PCDH15: variants seen among roughly 807,000 people sequenced by gnomAD.
PCDH15 encodes the protein protocadherin-15.
A neutral mutation model predicts 178.5 loss-of-function variants in PCDH15; 129 were observed. That is an observed-to-expected ratio of 0.72 (90% CI 0.63 to 0.84). The LOEUF is 0.84. Ranked by LOEUF, PCDH15 falls within the 40% of genes least tolerant of loss-of-function variation. PCDH15 has a pLI of 0.00. For missense variants in PCDH15, 2,230 were observed against 2,099.9 expected, an observed-to-expected ratio of 1.06 and a Z score of -1.21; for synonymous variants, 800 against 732.0, an observed-to-expected ratio of 1.09 and a Z score of -1.50.
intron 1 of PCDH15, among the ~76,000 whole-genome samples, chr10:55,222,589 T>C (rs1180851268): frequency 1.3e-5 from 2 of 151,576 alleles, no homozygotes; most frequent in Non-Finnish European, 2.9e-5. Flanking sequence ...TACTAATGTA[T>C]AATTATCTTT....
intron 26 of PCDH15, among the ~76,000 whole-genome samples, chr10:53,880,389 A>T (rs1467924300): frequency 6.6e-6 from 1 of 152,202 alleles, no homozygotes; most frequent in Non-Finnish European, 1.5e-5. Context: ...ACTTACTGTA[A>T]AATGAACTTA....
chr10:55,159,369 C>CTA (rs1174815209), intron 2 of PCDH15, among the ~76,000 whole-genome samples: 421 of 20,876 alleles, frequency 0.02, 5 homozygotes, highest in African/African-American at 0.033. Context: ...ATCTATCTAT[C>CTA]TATATATATA....
At chr10:55,456,441 A>G (rs1839556350) in intron 2 of PCDH15, among the ~76,000 whole-genome samples, 1 of 152,024 alleles carries the variant, frequency 6.6e-6, no homozygotes. Context: ...TCCTTCATGC[A>G]TTCTGTGTTA....
At chr10:54,987,469 A>T (rs1404169716) in intron 2 of PCDH15, among the ~76,000 whole-genome samples, 1 of 152,154 alleles carries the variant, frequency 6.6e-6, no homozygotes, top group African/African-American at 2.4e-5. Flanking sequence ...GAACTAATTT[A>T]TACTCCCACC....
intron 3 of PCDH15, among the ~76,000 whole-genome samples, chr10:54,452,205 C>T (rs893710284): frequency 1.3e-5 from 2 of 151,882 alleles, no homozygotes; most frequent in Non-Finnish European, 2.9e-5. Context: ...CATTTTTGAC[C>T]TTGTTTACCT....
intron 1 of PCDH15, among the ~76,000 whole-genome samples, chr10:55,266,423 G>C (rs2132241540): frequency 6.6e-6 from 1 of 152,238 alleles, no homozygotes; most frequent in South Asian, 2.1e-4. Context: ...TTCAGAGGGG[G>C]GAGATGACAC....
chr10:54,145,228 G>C (rs2043790376), intron 14 of PCDH15, among the ~76,000 whole-genome samples: 1 of 151,970 alleles, frequency 6.6e-6, no homozygotes, highest in South Asian at 2.1e-4. Context: ...ATAGTAATTA[G>C]TAGTAATGAG....
intron 3 of PCDH15, among the ~76,000 whole-genome samples, chr10:54,436,026 GGAGAGGAGAGAGA>G (rs1217806070): frequency 1.0e-3 from 108 of 107,346 alleles, no homozygotes; most frequent in African/African-American, 4.8e-3. Context: ...GGAGAGGAGA[GGAGAGGAGAGAGA>G]GAGAGAGAGA....
Position 54,566,456 on chromosome 10 carries a change from T to A in PCDH15, c.92-38579A>T, listed in dbSNP as rs533643539. 9.2e-5 allele frequency among the ~76,000 whole-genome samples: 14 copies of A among 152,286 alleles called. No individual in the cohort carries two copies. The South Asian group carries it at 2.9e-3, about 32-fold the overall frequency. On this transcript the variant is annotated intron_variant, in intron 2 of 37. Transcript: ENST00000644397. ...TCATTATAGTATCATACAGACTTAT[T>A]TTCACTGACCAAAAAATCCTCTGTT... is the stretch of plus-strand genomic sequence containing the variant.
chr10:53,817,247 A>AAATC (rs1409612164), intron 34 of PCDH15, among the ~76,000 whole-genome samples: 4 of 152,186 alleles, frequency 2.6e-5, no homozygotes, highest in African/African-American at 9.6e-5. Context: ...GCTGTATGCT[A>AAATC]AATCAAACTA....
At chr10:55,551,610 T>G (rs1257943338) in intron 2 of PCDH15, among the ~76,000 whole-genome samples, 1 of 151,834 alleles carries the variant, frequency 6.6e-6, no homozygotes, top group African/African-American at 2.4e-5. Context: ...TAAAGTAGAT[T>G]ACAAAACAAA....
At chr10:54,259,269 A>G (rs1049390772) in intron 8 of PCDH15, among the ~76,000 whole-genome samples, 1 of 152,312 alleles carries the variant, frequency 6.6e-6, no homozygotes. Context: ...ACTGATTTCT[A>G]TTATTAGCCA....
chr10:54,914,118 A>T (rs752376862), intron 2 of PCDH15, among the ~76,000 whole-genome samples: 21 of 152,102 alleles, frequency 1.4e-4, no homozygotes, highest in Non-Finnish European at 1.6e-4. Flanking sequence ...GATTTTAGAG[A>T]GGCCAGGGAC....
chr10:54,120,784 A>AG (rs898012004), intron 15 of PCDH15, among the ~76,000 whole-genome samples: 6 of 152,192 alleles, frequency 3.9e-5, no homozygotes, highest in African/African-American at 1.4e-4. Context: ...TGTAGAGTCT[A>AG]GATTCACAAA....
At chr10:54,716,743 G>A (rs2095484526) in intron 1 of PCDH15, among the ~76,000 whole-genome samples, 1 of 151,830 alleles carries the variant, frequency 6.6e-6, no homozygotes, top group African/African-American at 2.4e-5. Context: ...TTTCTTCACA[G>A]AACTGGAAAA....
chr10:54,063,046 A>G (rs544765622), intron 18 of PCDH15, among the ~76,000 whole-genome samples: 1 of 152,324 alleles, frequency 6.6e-6, no homozygotes, highest in East Asian at 1.9e-4. Flanking sequence ...CTTAATTATC[A>G]TTAATAAAGA....
At position 53,924,398 on chromosome 10, in the gene PCDH15, G is replaced by A. The variant is rs1380679983; in HGVS notation, c.3373+14417C>T. ...CCAGTGCTGCACTCAAATTCTCACT[G>A]GGCCTCAGCTGCCTCCCTGCGGGGC... On this transcript the variant is annotated intron_variant, in intron 25 of 37. Coordinates refer to ENST00000644397, the MANE Select transcript of PCDH15 (RefSeq NM_001384140.1). 2.0e-5 allele frequency among the ~76,000 whole-genome samples: 3 copies of A among 152,216 alleles called. No homozygotes were observed. In the East Asian group the frequency reaches 5.8e-4, roughly 29 times the overall value.
chr10:55,568,834 A>G (rs1054056360), intron 2 of PCDH15, among the ~76,000 whole-genome samples: 1 of 152,052 alleles, frequency 6.6e-6, no homozygotes, highest in East Asian at 1.9e-4. Flanking sequence ...GTTATTCATC[A>G]TTGAGCAAAG....
intron 6 of PCDH15, among the ~76,000 whole-genome samples, chr10:54,331,118 T>C (rs533094006): frequency 6.6e-6 from 1 of 151,416 alleles, no homozygotes; most frequent in East Asian, 2.0e-4. Context: ...ACCCTCAACT[T>C]AGTGTAAGTG....
Sources: gnomAD v4.1 joint callset for allele counts (sites outside exome capture counted in the v4.1 genomes callset) on GRCh38, gnomAD v4.1.1 for gene constraint, MANE v1.5 for transcripts, NCBI Gene and HGNC (gene_info 2026-07-23, HGNC 2026-07-21) for gene names.